The following CAMTA1 variants were observed in gnomAD, a reference collection of about 807,000 sequenced individuals.
CAMTA1 encodes the protein calmodulin binding transcription activator 1.
Under a neutral mutation model 170.9 loss-of-function variants are expected in CAMTA1, and 27 were observed. That is an observed-to-expected ratio of 0.16 (90% confidence interval 0.12 to 0.22). The LOEUF is 0.22. CAMTA1 is among the 10% of genes least tolerant of loss of function. The pLI is 1.00. For synonymous variants in CAMTA1, 833 were observed against 891.5 expected (o/e 0.93, Z 1.17); for missense variants, 1,619 against 2,217.2 (o/e 0.73, Z 5.42).
chr1:7,310,018 A>T (rs1473674761), intron 5 of CAMTA1, among the ~76,000 whole-genome samples: 1 of 152,104 alleles, frequency 6.6e-6, no homozygotes, highest in Non-Finnish European at 1.5e-5. Context: ...TTCTTTCTTG[A>T]TGTTCCAAAC....
intron 5 of CAMTA1, among the ~76,000 whole-genome samples, chr1:7,416,267 T>G (rs2091165089): frequency 6.6e-6 from 1 of 152,198 alleles, no homozygotes; most frequent in Non-Finnish European, 1.5e-5. Flanking sequence ...GGAGTATCTT[T>G]GTGGCATTCT....
chr1:7,468,574 G>T (rs921906793), intron 6 of CAMTA1, among the ~76,000 whole-genome samples: 1 of 152,234 alleles, frequency 6.6e-6, no homozygotes, highest in Non-Finnish European at 1.5e-5. Flanking sequence ...CTTGCCTGCC[G>T]TGTGGGCGGG....
chr1:6,870,171 AAAT>A (rs1466116692), intron 3 of CAMTA1, among the ~76,000 whole-genome samples: 1 of 152,214 alleles, frequency 6.6e-6, no homozygotes, highest in Non-Finnish European at 1.5e-5. Flanking sequence ...GAAATGGTCT[AAAT>A]AATGATGCTA....
intron 6 of CAMTA1, among the ~76,000 whole-genome samples, chr1:7,499,707 AGT>A (rs143198883): frequency 0.13 from 13,568 of 104,944 alleles, 1,278 homozygotes; most frequent in East Asian, 0.45. Flanking sequence ...TATGTATATG[AGT>A]GTGTGTGTGC....
intron 3 of CAMTA1, among the ~76,000 whole-genome samples, chr1:6,948,328 T>G (rs1052661589): frequency 1.3e-5 from 2 of 152,162 alleles, no homozygotes; most frequent in Non-Finnish European, 2.9e-5. Context: ...TAGAGTTTAG[T>G]GAGAAGCTCT....
chr1:7,705,810 C>T (rs2096517273), intron 11 of CAMTA1, among the ~76,000 whole-genome samples: 2 of 152,182 alleles, frequency 1.3e-5, no homozygotes, highest in Admixed American at 6.5e-5. Flanking sequence ...ACAGGGCAGT[C>T]CTGAAAGTGG....
intron 5 of CAMTA1, among the ~76,000 whole-genome samples, chr1:7,376,356 C>T (rs2086842178): frequency 6.6e-6 from 1 of 152,212 alleles, no homozygotes; most frequent in Admixed American, 6.5e-5. Context: ...ATTTAGTCCT[C>T]AGCTGCAAAA....
chr1:7,545,801 C>T (rs1401367350), intron 6 of CAMTA1, among the ~76,000 whole-genome samples: 3 of 152,084 alleles, frequency 2.0e-5, no homozygotes, highest in Admixed American at 2.0e-4. Flanking sequence ...AGCTATTAAG[C>T]CCAGCATCCA....
rs117582956 is a variant in CAMTA1, at chr1:6,807,413, T to G, written c.46-12768T>G. 4.4e-4 allele frequency among the ~76,000 whole-genome samples: 67 copies of G among 152,328 alleles called. 1 individual carries two copies. The East Asian group carries it at 0.01, about 23-fold the overall frequency. Reference sequence around the variant, plus strand: ...CCATTTTTATTTACAGATACTTACATGAAAACATACAGAAATCTAGGCTTT... The same window carrying G: ...CCATTTTTATTTACAGATACTTACAGGAAAACATACAGAAATCTAGGCTTT... On this transcript the variant is annotated intron_variant, in intron 1 of 22. Coordinates refer to ENST00000303635, the MANE Select transcript of CAMTA1 (RefSeq NM_015215.4).
rs192243960 is a variant in CAMTA1, at chr1:7,546,641, T to C, written c.510+78740T>C. Among the ~76,000 whole-genome samples, 654 of 152,330 alleles carry C rather than the reference T, an allele frequency of 4.3e-3. 6 individuals carry two copies. The highest frequency in any genetic ancestry group is 0.015 in the African/African-American group (607 of 41,584). On this transcript the variant is annotated intron_variant, in intron 6 of 22. Coordinates refer to ENST00000303635, the MANE Select transcript of CAMTA1 (RefSeq NM_015215.4). ...ACCAACAGTGTAACAGCGTTTCTTC[T>C]TGTCTGCAACATCGCCAGCATCTGT...
intron 5 of CAMTA1, among the ~76,000 whole-genome samples, chr1:7,352,091 C>T (rs528320551): frequency 2.0e-5 from 3 of 146,864 alleles, no homozygotes; most frequent in Admixed American, 6.6e-5. Flanking sequence ...CTGGCTCCCC[C>T]GCCATGGCTG....
intron 3 of CAMTA1, among the ~76,000 whole-genome samples, chr1:6,882,113 A>T (rs543683669): frequency 4.6e-5 from 7 of 152,206 alleles, no homozygotes; most frequent in Non-Finnish European, 8.8e-5. Context: ...AATGCTTTGT[A>T]TGTTTTTAAG....
intron 3 of CAMTA1, among the ~76,000 whole-genome samples, chr1:6,983,189 G>A (rs1254193115): frequency 2.0e-5 from 3 of 152,194 alleles, no homozygotes; most frequent in African/African-American, 7.2e-5. Context: ...GAATCTAAGA[G>A]TATGTGCGGG....
At chr1:7,222,289 C>T (rs779383122) in intron 4 of CAMTA1, among the ~76,000 whole-genome samples, 22 of 152,250 alleles carry the variant, frequency 1.4e-4, no homozygotes, top group Admixed American at 3.3e-4. Flanking sequence ...AGACATCGCC[C>T]GGGCTGGTTC....
Position 7,266,562 on chromosome 1 carries a change from G to A in CAMTA1, c.438+16936G>A, listed in dbSNP as rs932629985. 2.6e-5 allele frequency among the ~76,000 whole-genome samples: 4 copies of A among 152,206 alleles called. 1 individual carries two copies. The highest frequency in any genetic ancestry group is 4.1e-4 in the South Asian group (2 of 4,828). On this transcript the variant is annotated intron_variant, in intron 5 of 22. Coordinates refer to ENST00000303635, the MANE Select transcript of CAMTA1 (RefSeq NM_015215.4). The stretch of plus-strand genomic sequence containing the variant: ...AAACAGATAGGTTCTTCACCCTCTC[G>A]AAGCTCCCAACTTGTGGGAGCGGGG...
chr1:7,365,956 G>C (rs1266108986), intron 5 of CAMTA1, among the ~76,000 whole-genome samples: 1 of 152,184 alleles, frequency 6.6e-6, no homozygotes, highest in African/African-American at 2.4e-5. Flanking sequence ...CAACCTGGGG[G>C]TGTCCTCTAT....
chr1:6,830,836 T>C (rs1246714349), intron 3 of CAMTA1, among the ~76,000 whole-genome samples: 3 of 151,958 alleles, frequency 2.0e-5, no homozygotes, highest in African/African-American at 7.3e-5. Context: ...TTTGTTTTTT[T>C]GAGATGGAGT....
chr1:7,488,611 AACACAT>A lies in CAMTA1; in HGVS notation c.510+20720_510+20725del, dbSNP rs373522945. ...GTACACATACATGCATGATACATGT[AACACAT>A]ACACATACAATATACATATACATAT... On this transcript the variant is annotated intron_variant, in intron 6 of 22. Coordinates refer to ENST00000303635, the MANE Select transcript of CAMTA1 (RefSeq NM_015215.4). 3.2e-3 allele frequency among the ~76,000 whole-genome samples: 490 copies of A among 152,314 alleles called. 2 individuals carry two copies. The highest frequency in any genetic ancestry group is 0.011 in the African/African-American group (443 of 41,554).
chr1:7,684,369 C>T (rs2096240881), intron 11 of CAMTA1, among the ~76,000 whole-genome samples: 1 of 152,220 alleles, frequency 6.6e-6, no homozygotes, highest in Non-Finnish European at 1.5e-5. Context: ...GCCAGCTGTT[C>T]CTGTGACTGC....
Sources: allele counts gnomAD v4.1 joint callset (sites outside exome capture counted in the v4.1 genomes callset), GRCh38; gene constraint gnomAD v4.1.1; transcripts MANE v1.5; gene names NCBI Gene and HGNC (gene_info 2026-07-23, HGNC 2026-07-21).